Variants in MYL1 observed in about 807,000 individuals in gnomAD.
The protein encoded by MYL1 is myosin light chain 1/3, skeletal muscle isoform.
MYL1 carries 16 observed loss-of-function variants against 21.8 expected under a neutral mutation model. That is an observed-to-expected ratio of 0.74 (90% CI 0.50 to 1.12). MYL1 has a LOEUF of 1.12. Ranked by LOEUF, MYL1 falls within the 50% of genes most tolerant of loss-of-function variation. The pLI is 0.00. For missense variants in MYL1, 246 were observed against 241.0 expected (o/e 1.02, Z -0.14); for synonymous variants, 99 against 85.2 (o/e 1.16, Z -0.89).
At chr2:210,290,584 A>G (rs75879736) in intron 6 of MYL1, 117 bp from the exon 7 acceptor site, 14 of 152,660 alleles carry the variant, frequency 9.2e-5, no homozygotes, top group African/African-American at 3.4e-4. Context: ...ACCAGCACTT[A>G]CAAGATGAGC....
chr2:210,303,309 G>A (rs1485522095), intron 1 of MYL1, among the ~76,000 whole-genome samples: 1 of 152,130 alleles, frequency 6.6e-6, no homozygotes, highest in East Asian at 1.9e-4. Context: ...GCAAGAGTTG[G>A]TGAAGCATAA....
At chr2:210,305,871 A>T (rs1444124246) in intron 1 of MYL1, among the ~76,000 whole-genome samples, 2 of 146,288 alleles carry the variant, frequency 1.4e-5, no homozygotes, top group Non-Finnish European at 3.0e-5. Context: ...GACCAGCCTG[A>T]CCAATATGGA....
At chr2:210,292,646 A>T (rs1690096305) in intron 5 of MYL1, among the ~76,000 whole-genome samples, 1 of 152,120 alleles carries the variant, frequency 6.6e-6, no homozygotes, top group East Asian at 1.9e-4. Flanking sequence ...TAAATTTGTC[A>T]AGATTTTCAA....
chr2:210,314,339 T>A (rs1287157763), intron 1 of MYL1, among the ~76,000 whole-genome samples: 2 of 152,162 alleles, frequency 1.3e-5, no homozygotes, highest in African/African-American at 4.8e-5. Flanking sequence ...AGTGCATAAT[T>A]TTCTGCACTG....
At chr2:210,303,546 A>T in intron 1 of MYL1, 6 of 1,611,370 alleles carry the variant, frequency 3.7e-6, no homozygotes, top group Non-Finnish European at 5.1e-6. Context: ...ACCCACCATG[A>T]TGGAGCGGCT....
chr2:210,298,339 T>C (rs919597716), intron 3 of MYL1, 81 bp downstream of exon 3: 41 of 1,187,722 alleles, frequency 3.5e-5, no homozygotes, highest in Non-Finnish European at 4.5e-5. Flanking sequence ...ACACACATAC[T>C]ACACACACAC....
chr2:210,292,971 CT>C (rs2125738394), intron 5 of MYL1, among the ~76,000 whole-genome samples: 1 of 152,214 alleles, frequency 6.6e-6, no homozygotes, highest in Non-Finnish European at 1.5e-5. Context: ...TGGCTAAGCC[CT>C]TTCTTTTTGT....
intron 2 of MYL1, among the ~76,000 whole-genome samples, chr2:210,300,009 C>G (rs543157785): frequency 6.6e-6 from 1 of 152,112 alleles, no homozygotes; most frequent in Admixed American, 6.6e-5. Flanking sequence ...AAAACTTCCC[C>G]CTCGAATTCT....
Position 210,298,303 on chromosome 2 carries a change from C to T in MYL1, c.304+117G>A. 3 of 1,154,360 alleles carry T rather than the reference C, an allele frequency of 2.6e-6. No homozygotes were observed. The African/African-American group carries it at 4.6e-5, about 18-fold the overall frequency. The allele number at this position is 1,154,360 out of a possible 1,614,324, so 71.5% of individuals were successfully genotyped here. ...AACATTTTTAAATCAATCTTTCTCT[C>T]TCTCACACACACACATACTACACAC... is the stretch of plus-strand genomic sequence containing the variant. On this transcript the variant is annotated intron_variant, in intron 3 of 6. Transcript: ENST00000352451.
intron 1 of MYL1, among the ~76,000 whole-genome samples, chr2:210,312,512 C>T (rs914933377): frequency 6.6e-6 from 1 of 151,734 alleles, no homozygotes; most frequent in African/African-American, 2.4e-5. Flanking sequence ...AGGCCTGTTA[C>T]CTCCTGGGAT....
At chr2:210,314,874 A>C in intron 1 of MYL1, 37 bp downstream of exon 1, 1 of 1,611,504 alleles carries the variant, frequency 6.2e-7, no homozygotes, top group Non-Finnish European at 8.5e-7. Flanking sequence ...CTATTGAAAG[A>C]TGTTTCAGTG....
chr2:210,307,482 A>T (rs988221679), intron 1 of MYL1, among the ~76,000 whole-genome samples: 1 of 152,124 alleles, frequency 6.6e-6, no homozygotes. Context: ...GTTCATTTTG[A>T]ATTATTGTTT....
In MYL1 at chr2:210,294,336, A is replaced by C; in HGVS notation, c.387T>G (p.Tyr129Ter). 1.2e-6 allele frequency: 2 copies of C among 1,614,096 alleles called. No individual in the cohort carries two copies. Among genetic ancestry groups the C allele is most frequent in the Non-Finnish European group, 1.7e-6 (2 of 1,179,982 alleles). Residue 129 changes from tyrosine (Y) to a stop codon, truncating the protein, a stop_gained, in exon 4 of 7, where the codon TAT becomes TAG. Coordinates refer to ENST00000352451, the MANE Select transcript of MYL1 (RefSeq NM_079420.3). LOFTEE classifies it high-confidence loss of function. The part of the protein sequence containing the change: ...AISNNKDQAT[Y>*]EDFVEGLRVF... ...CACGCAGACCCTCAACAAAGTCTTC[A>C]TAGGTGGCCTGGTCCTTGTTGTTGG...
chr2:210,314,472 C>G (rs1022213441), intron 1 of MYL1, among the ~76,000 whole-genome samples: 10 of 152,066 alleles, frequency 6.6e-5, no homozygotes, highest in African/African-American at 2.2e-4. Context: ...AAAGGACAAC[C>G]GGGCCATCAG....
intron 3 of MYL1, 79 bp downstream of exon 3, chr2:210,298,341 C>CACACACCA: frequency 2.5e-6 from 1 of 394,812 alleles, no homozygotes; most frequent in South Asian, 3.9e-5. Flanking sequence ...ACACATACTA[C>CACACACCA]ACACACACAC....
chr2:210,315,169 A>C lies in MYL1; in HGVS notation c.-127T>G. The C allele has an allele frequency of 8.9e-7, 1 of 1,124,916 alleles. No individual in the cohort carries two copies. The allele number at this position is 1,124,916 out of a possible 1,614,324, so 69.7% of individuals were successfully genotyped here. On this transcript the variant is annotated 5_prime_UTR_variant, in exon 1 of 7. Transcript: ENST00000352451. The stretch of plus-strand genomic sequence containing the variant: ...CCCAGTGTCTTGAAGATGGACCCAG[A>C]GTGTTAAACGGCATAAGGGCATGCA...
At chr2:210,294,677 T>TATC (rs1375690912) in intron 3 of MYL1, among the ~76,000 whole-genome samples, 3 of 152,168 alleles carry the variant, frequency 2.0e-5, no homozygotes. Context: ...TGCCTCAAGT[T>TATC]ATCATCTGTA....
Position 210,314,998 on chromosome 2 carries a change from C to T in MYL1, c.45G>A (p.Ala15=), listed in dbSNP as rs372051162. The T allele has an allele frequency of 1.3e-5, 21 of 1,606,256 alleles. No homozygotes were observed. Among genetic ancestry groups the T allele is most frequent in the East Asian group, 4.5e-5 (2 of 44,764 alleles). Residue 15 remains alanine (A), a synonymous_variant, in exon 1 of 7, where the codon GCG becomes GCA. Transcript: ENST00000352451. ...GTGCCGGTGCCGGGGCTGGGGCAGC[C>T]GCAGCCGCAGCCACAGGTTTCTTCA... is the stretch of plus-strand genomic sequence containing the variant. ...KDVKKPVAAA[A]AAPAPAPAPA...
At chr2:210,311,165 A>G (rs1282279620) in intron 1 of MYL1, among the ~76,000 whole-genome samples, 1 of 152,052 alleles carries the variant, frequency 6.6e-6, no homozygotes, top group Non-Finnish European at 1.5e-5. Context: ...GCATGACTTC[A>G]TTTGATTTTT....
Sources: gnomAD v4.1 joint callset for allele counts (sites outside exome capture counted in the v4.1 genomes callset) on GRCh38, gnomAD v4.1.1 for gene constraint, MANE v1.5 for transcripts, NCBI Gene and HGNC (gene_info 2026-07-23, HGNC 2026-07-21) for gene names.